GPR158: variants seen among roughly 807,000 people sequenced by gnomAD.
The protein encoded by GPR158 is metabotropic glycine receptor.
A neutral mutation model predicts 78.2 loss-of-function variants in GPR158; 30 were observed. The ratio of observed to expected loss-of-function variants is 0.38; its 90% CI spans 0.29 to 0.52. The LOEUF (loss-of-function observed/expected upper bound fraction) is 0.52, where lower values mean the gene tolerates loss of function less well. Ranked by LOEUF, GPR158 falls within the 20% of genes least tolerant of loss-of-function variation. GPR158 has a pLI of 0.83. For synonymous variants in GPR158, 581 were observed against 591.1 expected (o/e 0.98, Z 0.25); for missense variants, 1,463 against 1,523.5 (o/e 0.96, Z 0.66).
At chr10:25,402,078 A>G (rs1834454761) in intron 3 of GPR158, among the ~76,000 whole-genome samples, 1 of 152,114 alleles carries the variant, frequency 6.6e-6, no homozygotes, top group Admixed American at 6.6e-5. Context: ...AATTAATCAA[A>G]GTAGCATCAT....
intron 2 of GPR158, among the ~76,000 whole-genome samples, chr10:25,291,314 T>C (rs937813312): frequency 3.3e-5 from 5 of 152,102 alleles, no homozygotes; most frequent in Non-Finnish European, 7.4e-5. Context: ...AGATTTATCT[T>C]TGAGCAAGCG....
chr10:25,370,762 G>A (rs192694845), intron 2 of GPR158, among the ~76,000 whole-genome samples: 19,580 of 149,690 alleles, frequency 0.13, 1,588 homozygotes, highest in Non-Finnish European at 0.18. Flanking sequence ...AATTTTGACA[G>A]TGGGGTGTTA....
intron 2 of GPR158, among the ~76,000 whole-genome samples, chr10:25,298,853 G>A (rs1249934138): frequency 1.3e-5 from 2 of 152,066 alleles, no homozygotes; most frequent in East Asian, 1.9e-4. Flanking sequence ...CAATAAAGTT[G>A]CTAAAAAGAT....
rs532114546 is a variant in GPR158, at chr10:25,322,380, C to CAA, written c.1009-73521_1009-73520dup. Among the ~76,000 whole-genome samples the CAA allele has an allele frequency of 6.4e-3, 820 of 128,878 alleles. 5 individuals carry two copies. The highest frequency in any genetic ancestry group is 0.021 in the African/African-American group (767 of 37,344). 84.5% of individuals were successfully genotyped at this position (128,878 alleles called of 152,430 possible). On this transcript the variant is annotated intron_variant, in intron 2 of 10. Coordinates refer to ENST00000376351, the MANE Select transcript of GPR158 (RefSeq NM_020752.3). ...TGGGTGACAGAGCGAGACTCCGTCTCAAAAAAAAAAAGAAAAAAAAAGAAA... is the reference window on the plus strand; with the variant it reads ...TGGGTGACAGAGCGAGACTCCGTCTCAAAAAAAAAAAAAGAAAAAAAAAGAAA...
At chr10:25,510,651 C>A (rs928702031) in intron 5 of GPR158, among the ~76,000 whole-genome samples, 2 of 152,154 alleles carry the variant, frequency 1.3e-5, no homozygotes, top group African/African-American at 4.8e-5. Flanking sequence ...GTGCACCCAT[C>A]ACCTGAGCAG....
intron 5 of GPR158, among the ~76,000 whole-genome samples, chr10:25,550,584 T>C (rs113519954): frequency 6.4e-4 from 98 of 152,270 alleles, no homozygotes; most frequent in African/African-American, 2.3e-3. Flanking sequence ...AGACAGTTTA[T>C]AGAAACTTCT....
At chr10:25,220,495 T>C (rs1853284021) in intron 1 of GPR158, among the ~76,000 whole-genome samples, 1 of 152,214 alleles carries the variant, frequency 6.6e-6, no homozygotes, top group Non-Finnish European at 1.5e-5. Context: ...AATGTAGTCA[T>C]CATTTCTGTA....
chr10:25,377,397 A>G (rs1834095851), intron 2 of GPR158, among the ~76,000 whole-genome samples: 1 of 152,054 alleles, frequency 6.6e-6, no homozygotes, highest in Non-Finnish European at 1.5e-5. Context: ...TGTAATTCAC[A>G]TACTATAAAA....
chr10:25,399,846 A>C (rs1336469072), intron 3 of GPR158, among the ~76,000 whole-genome samples: 2 of 152,178 alleles, frequency 1.3e-5, no homozygotes, highest in Non-Finnish European at 2.9e-5. Flanking sequence ...CATAGTATCC[A>C]GGCAAGTTAT....
chr10:25,317,832 G>A (rs867559606), intron 2 of GPR158, among the ~76,000 whole-genome samples: 1 of 151,520 alleles, frequency 6.6e-6, no homozygotes, highest in African/African-American at 2.4e-5. Context: ...AGGTTCAAGC[G>A]ATTCTTCTGC....
rs538201683 is a variant in GPR158, at chr10:25,462,567, A to G, written c.1336-4084A>G. Among the ~76,000 whole-genome samples the G allele has an allele frequency of 3.8e-3, 578 of 152,302 alleles. 4 individuals carry two copies. Among genetic ancestry groups the G allele is most frequent in the African/African-American group, 0.013 (555 of 41,552 alleles). Reference sequence around the variant, plus strand: ...AACTGAAAACCTCTGGAAAGGATTCACCATTCTAGATGCCATTGAGAACAT... The same window carrying G: ...AACTGAAAACCTCTGGAAAGGATTCGCCATTCTAGATGCCATTGAGAACAT... On this transcript the variant is annotated intron_variant, in intron 4 of 10. Coordinates refer to ENST00000376351, the MANE Select transcript of GPR158 (RefSeq NM_020752.3).
chr10:25,182,628 C>T (rs1405508056), intron 1 of GPR158, among the ~76,000 whole-genome samples: 1 of 152,154 alleles, frequency 6.6e-6, no homozygotes, highest in Non-Finnish European at 1.5e-5. Flanking sequence ...TCTGGATAAG[C>T]CAAATGTTAC....
chr10:25,491,564 A>G (rs1028473414), intron 5 of GPR158, among the ~76,000 whole-genome samples: 6 of 152,208 alleles, frequency 3.9e-5, no homozygotes, highest in African/African-American at 1.4e-4. Context: ...AAAATTATTG[A>G]GATAAATTAT....
chr10:25,397,794 G>T (rs1028073274), intron 3 of GPR158, among the ~76,000 whole-genome samples: 3 of 152,142 alleles, frequency 2.0e-5, no homozygotes, highest in African/African-American at 7.2e-5. Flanking sequence ...CTATGAATTT[G>T]CTGGGATAGT....
intron 2 of GPR158, among the ~76,000 whole-genome samples, chr10:25,281,340 G>A (rs1323489497): frequency 6.7e-6 from 1 of 149,494 alleles, no homozygotes; most frequent in African/African-American, 2.5e-5. Flanking sequence ...AAGGCAGGTG[G>A]ATCACTTGAG....
intron 2 of GPR158, among the ~76,000 whole-genome samples, chr10:25,357,961 T>C (rs35677024): frequency 0.099 from 15,086 of 152,050 alleles, 1,846 homozygotes; most frequent in African/African-American, 0.3. Context: ...TGCAAAACCA[T>C]AGGGGTGGAG....
In GPR158 at chr10:25,386,403, G is replaced by A. The variant is rs1834222124; in HGVS notation, c.1009-9508G>A. Among the ~76,000 whole-genome samples, 2 of 152,090 alleles carry A rather than the reference G, an allele frequency of 1.3e-5. 1 individual carries two copies. Among genetic ancestry groups the A allele is most frequent in the African/African-American group, 4.8e-5 (2 of 41,434 alleles). ...TCCAACTTAGTTCTTTTTCAAGATTGTTTTGATGATTTCGGGTGCTTGGGA... is the reference window on the plus strand; with the variant it reads ...TCCAACTTAGTTCTTTTTCAAGATTATTTTGATGATTTCGGGTGCTTGGGA... On this transcript the variant is annotated intron_variant, in intron 2 of 10. Transcript: ENST00000376351.
intron 5 of GPR158, among the ~76,000 whole-genome samples, chr10:25,536,946 G>A (rs534471763): frequency 5.1e-4 from 77 of 152,326 alleles, no homozygotes; most frequent in Non-Finnish European, 8.8e-4. Context: ...ATGATCGTAT[G>A]CACGTGAAGA....
At chr10:25,191,666 T>C (rs1852773114) in intron 1 of GPR158, among the ~76,000 whole-genome samples, 1 of 151,834 alleles carries the variant, frequency 6.6e-6, no homozygotes, top group Non-Finnish European at 1.5e-5. Context: ...TATAAATAAC[T>C]GCAGCTTTAG....
Sources: allele counts gnomAD v4.1 joint callset (sites outside exome capture counted in the v4.1 genomes callset), GRCh38; gene constraint gnomAD v4.1.1; transcripts MANE v1.5; gene names NCBI Gene and HGNC (gene_info 2026-07-23, HGNC 2026-07-21).